Variants in SLC25A13 observed in about 807,000 individuals in gnomAD.
SLC25A13 encodes the protein electrogenic aspartate/glutamate antiporter SLC25A13, mitochondrial.
SLC25A13 carries 70 observed loss-of-function variants against 85.5 expected under a neutral mutation model. The ratio of observed to expected loss-of-function variants is 0.82; its 90% CI spans 0.68 to 1.00. The LOEUF (loss-of-function observed/expected upper bound fraction) is 1.00. Ranked by LOEUF, SLC25A13 falls within the 50% of genes least tolerant of loss-of-function variation. SLC25A13 has a pLI of 0.00. For missense variants in SLC25A13, 765 were observed against 819.8 expected, an observed-to-expected ratio of 0.93 and a Z score of 0.82; for synonymous variants, 259 against 288.7, an observed-to-expected ratio of 0.90 and a Z score of 1.04.
At chr7:96,220,756 T>G (rs1393872200) in intron 4 of SLC25A13, among the ~76,000 whole-genome samples, 4 of 152,100 alleles carry the variant, frequency 2.6e-5, no homozygotes, top group Non-Finnish European at 4.4e-5. Context: ...TCATCATGCA[T>G]GCACATGAAC....
At chr7:96,146,972 C>A (rs866620592) in intron 13 of SLC25A13, among the ~76,000 whole-genome samples, 4 of 152,142 alleles carry the variant, frequency 2.6e-5, no homozygotes, top group Non-Finnish European at 5.9e-5. Context: ...ACTGAAATTA[C>A]AAATGCTCCT....
intron 2 of SLC25A13, among the ~76,000 whole-genome samples, chr7:96,290,182 A>G (rs1308670566): frequency 6.6e-6 from 1 of 152,210 alleles, no homozygotes; most frequent in African/African-American, 2.4e-5. Context: ...ACTAAGCTTC[A>G]TAAGTGAAGG....
At chr7:96,170,894 G>A (rs1278126321) in intron 12 of SLC25A13, among the ~76,000 whole-genome samples, 1 of 152,198 alleles carries the variant, frequency 6.6e-6, no homozygotes, top group Non-Finnish European at 1.5e-5. Context: ...TCTGTCAAAT[G>A]TGAGCCAAGC....
At position 96,184,907 on chromosome 7, in the gene SLC25A13, T is replaced by G. The variant is rs1352040375; in HGVS notation, c.1018+20A>C. The G allele has an allele frequency of 1.3e-6, 2 of 1,599,326 alleles. No homozygotes were observed. The highest frequency in any genetic ancestry group is 1.7e-6 in the Non-Finnish European group (2 of 1,166,498). ...ATAGGAATAACAAAAGTGAAAATTT[T>G]TCTCTCATCCATGACTAACCTCCAG... is the stretch of plus-strand genomic sequence containing the variant. On this transcript the variant is annotated intron_variant, in intron 10 of 17. Coordinates refer to ENST00000265631, the MANE Select transcript of SLC25A13 (RefSeq NM_014251.3).
chr7:96,169,917 CT>C lies in SLC25A13; in HGVS notation c.1311+127del, dbSNP rs1793929329. On this transcript the variant is annotated intron_variant, in intron 13 of 17. Coordinates refer to ENST00000265631, the MANE Select transcript of SLC25A13 (RefSeq NM_014251.3). ...CCTGTCTAGGAAAAGCCGAGGTGCC[CT>C]AGTAGACTCTGCCCTTGTGCAGGAT... is the stretch of plus-strand genomic sequence containing the variant. The C allele has an allele frequency of 3.2e-6, 3 of 946,456 alleles. No individual in the cohort carries two copies. In the South Asian group the frequency reaches 4.0e-5, roughly 13 times the overall value. The allele number at this position is 946,456 out of a possible 1,614,324, so 58.6% of individuals were successfully genotyped here.
At chr7:96,266,307 G>C (rs1159276525) in intron 3 of SLC25A13, among the ~76,000 whole-genome samples, 2 of 152,072 alleles carry the variant, frequency 1.3e-5, no homozygotes, top group African/African-American at 4.8e-5. Context: ...CTTACAAGAG[G>C]CCAACCTCCT....
At chr7:96,270,492 T>C (rs1798198155) in intron 3 of SLC25A13, among the ~76,000 whole-genome samples, 1 of 151,438 alleles carries the variant, frequency 6.6e-6, no homozygotes, top group South Asian at 2.1e-4. Context: ...GAGGCAGAGG[T>C]TGCAATGATC....
chr7:96,248,691 T>C (rs776050490), intron 3 of SLC25A13, among the ~76,000 whole-genome samples: 13 of 152,168 alleles, frequency 8.5e-5, no homozygotes, highest in Non-Finnish European at 1.5e-4. Context: ...GGAAAAAAAT[T>C]ATTTGGTTTT....
At chr7:96,190,332 C>A (rs1794797517) in intron 7 of SLC25A13, among the ~76,000 whole-genome samples, 1 of 152,168 alleles carries the variant, frequency 6.6e-6, no homozygotes, top group East Asian at 1.9e-4. Context: ...ACCTCATGAT[C>A]TGCCCGCCTC....
intron 13 of SLC25A13, among the ~76,000 whole-genome samples, chr7:96,153,051 A>G (rs143612895): frequency 6.6e-6 from 1 of 152,326 alleles, no homozygotes; most frequent in East Asian, 1.9e-4. Flanking sequence ...GAAAAGATAA[A>G]ACTACTAGGG....
At chr7:96,183,737 C>T (rs1056547954) in intron 11 of SLC25A13, among the ~76,000 whole-genome samples, 2 of 152,088 alleles carry the variant, frequency 1.3e-5, no homozygotes, top group Non-Finnish European at 2.9e-5. Context: ...GAAGGATTAC[C>T]TGTTTCAGGC....
At chr7:96,241,540 T>C (rs1796999046) in intron 3 of SLC25A13, among the ~76,000 whole-genome samples, 1 of 152,174 alleles carries the variant, frequency 6.6e-6, no homozygotes, top group Non-Finnish European at 1.5e-5. Context: ...AAATTATTTG[T>C]TTCTTAAAAA....
chr7:96,274,468 C>T (rs145888666), intron 3 of SLC25A13, among the ~76,000 whole-genome samples: 3 of 152,108 alleles, frequency 2.0e-5, no homozygotes, highest in Non-Finnish European at 4.4e-5. Context: ...TGCCTGTTCA[C>T]TCTGATGGTA....
chr7:96,181,388 T>A (rs764177313), intron 11 of SLC25A13, among the ~76,000 whole-genome samples: 3 of 152,244 alleles, frequency 2.0e-5, no homozygotes, highest in African/African-American at 7.2e-5. Context: ...TGCAGCCAGC[T>A]GCGGGGGAGG....
intron 1 of SLC25A13, among the ~76,000 whole-genome samples, chr7:96,317,297 A>T (rs1427576074): frequency 6.6e-6 from 1 of 152,052 alleles, no homozygotes; most frequent in East Asian, 1.9e-4. Flanking sequence ...CACTAACATC[A>T]CCTCTTGGTA....
intron 7 of SLC25A13, among the ~76,000 whole-genome samples, chr7:96,190,522 A>C (rs1398060445): frequency 6.6e-6 from 1 of 152,188 alleles, no homozygotes; most frequent in Non-Finnish European, 1.5e-5. Context: ...AGAGGTTGCC[A>C]ATTTAGCTCA....
chr7:96,296,770 C>G (rs376102840), intron 2 of SLC25A13, 128 bp downstream of exon 2: 6 of 916,800 alleles, frequency 6.5e-6, no homozygotes, highest in Non-Finnish European at 1.0e-5. Flanking sequence ...CATGAGCCAC[C>G]GTGCCGGGCT....
At chr7:96,272,721 G>A (rs1323370754) in intron 3 of SLC25A13, among the ~76,000 whole-genome samples, 1 of 152,158 alleles carries the variant, frequency 6.6e-6, no homozygotes, top group Admixed American at 6.6e-5. Flanking sequence ...CAGAATTAAA[G>A]TATGCAAATC....
At chr7:96,288,319 C>G (rs1043097249) in intron 2 of SLC25A13, among the ~76,000 whole-genome samples, 4 of 152,164 alleles carry the variant, frequency 2.6e-5, no homozygotes, top group Admixed American at 6.5e-5. Context: ...AGGAACAGCT[C>G]CAGTCTACAG....
Sources: gnomAD v4.1 joint callset for allele counts (sites outside exome capture counted in the v4.1 genomes callset) on GRCh38, gnomAD v4.1.1 for gene constraint, MANE v1.5 for transcripts, NCBI Gene and HGNC (gene_info 2026-07-23, HGNC 2026-07-21) for gene names.